The following RGS4 variants were observed in gnomAD, a reference collection of about 807,000 sequenced individuals.
RGS4 encodes the protein regulator of G protein signaling 4.
RGS4 carries 15 observed loss-of-function variants against 21.6 expected under a neutral mutation model. The observed-to-expected ratio is 0.69, with a 90% CI of 0.46 to 1.07. RGS4 has a LOEUF of 1.07. Among genes scored for constraint, RGS4 ranks in the 50% least tolerant of loss-of-function variants. The pLI is 0.00. For missense variants in RGS4, 237 were observed against 239.0 expected, an observed-to-expected ratio of 0.99 and a Z score of 0.06; for synonymous variants, 94 against 85.5, an observed-to-expected ratio of 1.10 and a Z score of -0.55.
chr1:163,072,629 A>C, intron 2 of RGS4, 130 bp downstream of exon 2: 3 of 841,726 alleles, frequency 3.6e-6, no homozygotes, highest in Non-Finnish European at 5.7e-6. Flanking sequence ...TTTCATGGAG[A>C]TCATAACTAC....
At position 163,069,446 on chromosome 1, in the gene RGS4, A is replaced by G; in HGVS notation, c.-39A>G. On this transcript the variant is annotated 5_prime_UTR_variant, in exon 1 of 5. Coordinates refer to ENST00000367909, the MANE Select transcript of RGS4 (RefSeq NM_005613.6). The stretch of plus-strand genomic sequence containing the variant: ...CCGAAGCCACAGCTCCTCCTGCCGC[A>G]TTTCTTTCCTGCTTGCGAATTCCAA... The G allele has an allele frequency of 6.2e-7, 1 of 1,613,296 alleles. No homozygotes were observed. Among genetic ancestry groups the G allele is most frequent in the Non-Finnish European group, 8.5e-7 (1 of 1,179,698 alleles).
At chr1:163,071,862 C>CCACCCCCA (rs1261806517) in intron 1 of RGS4, 1 of 25,828 alleles carries the variant, frequency 3.9e-5, no homozygotes, top group South Asian at 2.3e-3. Context: ...CTTGCCCCCC[C>CCACCCCCA]CCCCCCCCCC....
chr1:163,069,638 C>T, intron 1 of RGS4, 110 bp downstream of exon 1: 1 of 858,476 alleles, frequency 1.2e-6, no homozygotes. Context: ...ACAGTGTGGT[C>T]AGGAGAGCAC....
intron 3 of RGS4, 121 bp from the exon 4 acceptor site, chr1:163,073,335 G>A: frequency 1.3e-6 from 1 of 797,942 alleles, no homozygotes; most frequent in Non-Finnish European, 1.9e-6. Context: ...AAAAAGCAGG[G>A]GAAAAAGGGA....
Position 163,075,660 on chromosome 1 carries a change from C to T in RGS4, c.*1100C>T, listed in dbSNP as rs1345735963. The T allele has an allele frequency of 6.6e-6, 1 of 152,152 alleles. No homozygotes were observed. Among genetic ancestry groups the T allele is most frequent in the Non-Finnish European group, 1.5e-5 (1 of 68,034 alleles). 9.4% of individuals were successfully genotyped at this position (152,152 alleles called of 1,614,324 possible). ...CTCTATCCTTTTTTCCTTTCCTGAT[C>T]AAGGTGCTCTTCTCATTTTTTCCTG... On this transcript the variant is annotated 3_prime_UTR_variant, in exon 5 of 5. Transcript: ENST00000367909.
Position 163,076,277 on chromosome 1 carries a change from T to G in RGS4, c.*1717T>G, listed in dbSNP as rs1655495806. ...CTTTCTGGCTTTTAAGCCAATATAA[T>G]GGGCTGCAAAATGAAGACACCAGAG... On this transcript the variant is annotated 3_prime_UTR_variant, in exon 5 of 5. Transcript: ENST00000367909. 6.6e-6 allele frequency: 1 copy of G among 152,614 alleles called. No individual in the cohort carries two copies. The highest frequency in any genetic ancestry group is 2.4e-5 in the African/African-American group (1 of 41,444). The allele number at this position is 152,614 out of a possible 1,614,324, so 9.5% of individuals were successfully genotyped here. A position where few individuals can be genotyped will look rare whatever the true frequency, so the allele number is the denominator to read the frequency against.
chr1:163,075,238 C>A lies in RGS4; in HGVS notation c.*678C>A, dbSNP rs915159229. ...TCTTTCATACTACATTTGAACAGGG[C>A]AAAATGAACTAACTGCCATGTAGGC... On this transcript the variant is annotated 3_prime_UTR_variant, in exon 5 of 5. Transcript: ENST00000367909. 3 of 152,704 alleles carry A rather than the reference C, an allele frequency of 2.0e-5. No individual in the cohort carries two copies. Among genetic ancestry groups the A allele is most frequent in the African/African-American group, 7.2e-5 (3 of 41,392 alleles). The allele number at this position is 152,704 out of a possible 1,614,324, so 9.5% of individuals were successfully genotyped here.
At chr1:163,073,369 C>T in intron 3 of RGS4, 87 bp from the exon 4 acceptor site, 3 of 1,117,906 alleles carry the variant, frequency 2.7e-6, no homozygotes, top group Non-Finnish European at 3.8e-6. Context: ...TGCTTTATCC[C>T]CCAAGTACCT....
rs5778313 is a variant in RGS4 at position 163,075,102 on chromosome 1, TACACACACACAC to T, written c.*559_*570del. 2.6e-5 allele frequency: 4 copies of T among 156,158 alleles called. No homozygotes were observed. The highest frequency in any genetic ancestry group is 6.0e-5 in the Admixed American group (1 of 16,618). 9.7% of individuals were successfully genotyped at this position (156,158 alleles called of 1,614,324 possible). On this transcript the variant is annotated 3_prime_UTR_variant, in exon 5 of 5. Coordinates refer to ENST00000367909, the MANE Select transcript of RGS4 (RefSeq NM_005613.6). The stretch of plus-strand genomic sequence containing the variant: ...ACATATGTATGTGTGAGTGTATGTA[TACACACACACAC>T]ACACACACACACACACTTTTGCAAG...
chr1:163,073,522 T>G lies in RGS4; in HGVS notation c.278T>G (p.Ile93Ser). ...AGTGAGGAGAATATTGACTTCTGGA[T>G]CAGCTGTGAAGAGTACAAGAAAATC... ...EYSEENIDFW[I>S]SCEEYKKIKS... The change falls in exon 4 of 5, where the codon ATC becomes AGC. Residue 93 changes from isoleucine (I) to serine (S), a missense_variant. By Grantham distance (142) the Ile-to-Ser change is moderately radical. Coordinates refer to ENST00000367909, the MANE Select transcript of RGS4 (RefSeq NM_005613.6). 6.2e-7 allele frequency: 1 copy of G among 1,609,578 alleles called. No homozygotes were observed. Among genetic ancestry groups the G allele is most frequent in the Middle Eastern group, 1.7e-4 (1 of 6,028 alleles).
Position 163,072,513 on chromosome 1 carries a change from C to A in RGS4, c.149+14C>A. On this transcript the variant is annotated intron_variant, in intron 2 of 4. Transcript: ENST00000367909. ...TATTTGCCAGAGGTAAGAGAAAAGG[C>A]CTTGGTGAAGATGTACTTAGTATTA... 1 of 1,538,246 alleles carries A rather than the reference C, an allele frequency of 6.5e-7. No individual in the cohort carries two copies. Among genetic ancestry groups the A allele is most frequent in the Non-Finnish European group, 9.0e-7 (1 of 1,111,614 alleles).
Position 163,076,788 on chromosome 1 carries a change from C to G in RGS4, c.*2228C>G, listed in dbSNP as rs1351906607. The G allele has an allele frequency of 6.6e-6, 1 of 152,018 alleles. No homozygotes were observed. The highest frequency in any genetic ancestry group is 1.9e-4 in the East Asian group (1 of 5,188). 9.4% of individuals were successfully genotyped at this position (152,018 alleles called of 1,614,324 possible). ...TCTTAATAATAAGGGTAAATAAACG[C>G]TCCATATGAAACTATTTGCTTGGAA... On this transcript the variant is annotated 3_prime_UTR_variant, in exon 5 of 5. Transcript: ENST00000367909.
In RGS4 at chr1:163,075,187, A is replaced by G. The variant is rs1655456633; in HGVS notation, c.*627A>G. ...GCTCATAACTAGAGTATGTGTATGTACTTACATGGGTGTTTTGATCTCTGT... is the reference window on the plus strand; with the variant it reads ...GCTCATAACTAGAGTATGTGTATGTGCTTACATGGGTGTTTTGATCTCTGT... On this transcript the variant is annotated 3_prime_UTR_variant, in exon 5 of 5. Transcript: ENST00000367909. 1 of 156,348 alleles carries G rather than the reference A, an allele frequency of 6.4e-6. No homozygotes were observed. Among genetic ancestry groups the G allele is most frequent in the Admixed American group, 6.2e-5 (1 of 16,226 alleles). 9.7% of individuals were successfully genotyped at this position (156,348 alleles called of 1,614,324 possible).
intron 3 of RGS4, 83 bp downstream of exon 3, chr1:163,072,949 C>A: frequency 8.4e-7 from 1 of 1,195,880 alleles, no homozygotes; most frequent in Non-Finnish European, 1.2e-6. Context: ...TGCAGCAAGG[C>A]CTGGCTTCTT....
chr1:163,075,610 G>A lies in RGS4; in HGVS notation c.*1050G>A, dbSNP rs568483336. The A allele has an allele frequency of 1.1e-3, 174 of 152,270 alleles. No individual in the cohort carries two copies. Among genetic ancestry groups the A allele is most frequent in the African/African-American group, 4.0e-3 (166 of 41,560 alleles). 9.4% of individuals were successfully genotyped at this position (152,270 alleles called of 1,614,324 possible). ...AAGTTACTGGCTGAGTGAGGGCATAGAAGTTAAAGGTTACTGTTTTTATCC... is the reference window on the plus strand; with the variant it reads ...AAGTTACTGGCTGAGTGAGGGCATAAAAGTTAAAGGTTACTGTTTTTATCC... On this transcript the variant is annotated 3_prime_UTR_variant, in exon 5 of 5. Transcript: ENST00000367909.
Position 163,069,432 on chromosome 1 carries a change from G to T in RGS4, c.-53G>T. The T allele has an allele frequency of 1.2e-6, 2 of 1,612,502 alleles. No individual in the cohort carries two copies. Among genetic ancestry groups the T allele is most frequent in the Non-Finnish European group, 1.7e-6 (2 of 1,179,400 alleles). On this transcript the variant is annotated 5_prime_UTR_variant, in exon 1 of 5. Transcript: ENST00000367909. ...AAGTACGCTCAAAGCCGAAGCCACA[G>T]CTCCTCCTGCCGCATTTCTTTCCTG...
In RGS4 at chr1:163,075,994, T is replaced by G. The variant is rs1655483184; in HGVS notation, c.*1434T>G. The G allele has an allele frequency of 6.6e-6, 1 of 152,550 alleles. No individual in the cohort carries two copies. The highest frequency in any genetic ancestry group is 2.1e-4 in the South Asian group (1 of 4,822). The allele number at this position is 152,550 out of a possible 1,614,324, so 9.4% of individuals were successfully genotyped here. ...TGATTGTCTAACCAATTGTGAGAATTACTGTTTGAAACTTTTCAAGGCACA... is the reference window on the plus strand; with the variant it reads ...TGATTGTCTAACCAATTGTGAGAATGACTGTTTGAAACTTTTCAAGGCACA... On this transcript the variant is annotated 3_prime_UTR_variant, in exon 5 of 5. Coordinates refer to ENST00000367909, the MANE Select transcript of RGS4 (RefSeq NM_005613.6).
rs1571163457 is a variant in RGS4 at position 163,074,432 on chromosome 1, T to C, written c.490T>C (p.Ser164Pro). 6.2e-7 allele frequency: 1 copy of C among 1,613,910 alleles called. No homozygotes were observed. The highest frequency in any genetic ancestry group is 8.5e-7 in the Non-Finnish European group (1 of 1,179,854). ...GATTTTCAACCTGATGGAGAAGGAT[T>C]CCTACCGCCGCTTCCTCAAGTCTCG... ...KKIFNLMEKD[S>P]YRRFLKSRFY... Residue 164 changes from serine to proline, a missense_variant, in exon 5 of 5, where the codon TCC becomes CCC. Transcript: ENST00000367909.
intron 3 of RGS4, among the ~76,000 whole-genome samples, chr1:163,073,082 C>T (rs958906499): frequency 2.6e-5 from 4 of 152,146 alleles, no homozygotes; most frequent in Non-Finnish European, 4.4e-5. Context: ...GGAAAACCAT[C>T]TCTCTCATCA....
Sources: allele counts gnomAD v4.1 joint callset (sites outside exome capture counted in the v4.1 genomes callset), GRCh38; gene constraint gnomAD v4.1.1; transcripts MANE v1.5; gene names NCBI Gene and HGNC (gene_info 2026-07-23, HGNC 2026-07-21).